Variants in RALGAPA2 observed in about 807,000 individuals in gnomAD.
RALGAPA2 encodes Ral GTPase activating protein catalytic subunit alpha 2, also known as ral GTPase-activating protein subunit alpha-2.
RALGAPA2 carries 139 observed loss-of-function variants against 230.4 expected under a neutral mutation model. The ratio of observed to expected loss-of-function variants is 0.60; its 90% confidence interval spans 0.53 to 0.69. The LOEUF (loss-of-function observed/expected upper bound fraction) is 0.69. RALGAPA2 is among the 30% of genes least tolerant of loss of function. The pLI, the probability that RALGAPA2 is intolerant of heterozygous loss-of-function variation, is 0.00. For synonymous variants in RALGAPA2, 847 were observed against 837.8 expected, an observed-to-expected ratio of 1.01 and a Z score of -0.19; for missense variants, 2,163 against 2,276.0, an observed-to-expected ratio of 0.95 and a Z score of 1.01.
intron 18 of RALGAPA2, 72 bp from the exon 19 acceptor site, chr20:20,585,027 C>A: frequency 1.1e-6 from 1 of 893,430 alleles, no homozygotes. Context: ...GTTTCTAGCC[C>A]AAATTTCTAA....
intron 38 of RALGAPA2, among the ~76,000 whole-genome samples, chr20:20,403,039 G>A (rs113917771): frequency 5.3e-5 from 8 of 151,800 alleles, no homozygotes; most frequent in African/African-American, 4.8e-5. Context: ...TTTCTCACAC[G>A]CCGCCTTTTC....
In RALGAPA2 at chr20:20,637,466, T is replaced by C. The variant is rs1312512021; in HGVS notation, c.702A>G (p.Gln234=). ...ASLEWKNKEN[Q]DTGFKFLFTL... ...TAAAAAGAAATTTAAAACCAGTATC[T>C]TGATTCTCCTTATTCTTCCACTCCA... Residue 234 remains glutamine, a synonymous_variant, in exon 8 of 40, where the codon CAA becomes CAG. Coordinates refer to ENST00000202677, the MANE Select transcript of RALGAPA2 (RefSeq NM_020343.4). 1.9e-6 allele frequency: 3 copies of C among 1,570,506 alleles called. No individual in the cohort carries two copies. Among genetic ancestry groups the C allele is most frequent in the Admixed American group, 1.9e-5 (1 of 53,892 alleles).
chr20:20,590,373 C>T (rs1390920888), intron 17 of RALGAPA2, among the ~76,000 whole-genome samples: 1 of 152,076 alleles, frequency 6.6e-6, no homozygotes, highest in Non-Finnish European at 1.5e-5. Context: ...TTTTCTGAAG[C>T]TTTTACTGTA....
At chr20:20,606,586 G>C (rs2065828323) in intron 14 of RALGAPA2, among the ~76,000 whole-genome samples, 1 of 151,470 alleles carries the variant, frequency 6.6e-6, no homozygotes, top group Non-Finnish European at 1.5e-5. Flanking sequence ...CATTTCTCAG[G>C]TCAAAATTTG....
chr20:20,639,263 G>C (rs935375960), intron 7 of RALGAPA2, among the ~76,000 whole-genome samples: 3 of 152,176 alleles, frequency 2.0e-5, no homozygotes, highest in African/African-American at 4.8e-5. Flanking sequence ...TGAGAAAAAA[G>C]AATCAGTACA....
At position 20,531,683 on chromosome 20, in the gene RALGAPA2, A is replaced by T; in HGVS notation, c.3582+4T>A. The T allele has an allele frequency of 4.4e-6, 7 of 1,590,516 alleles. No homozygotes were observed. The highest frequency in any genetic ancestry group is 2.3e-5 in the South Asian group (2 of 87,984). On this transcript the variant is annotated splice_donor_region_variant and intron_variant, in intron 27 of 39. Coordinates refer to ENST00000202677, the MANE Select transcript of RALGAPA2 (RefSeq NM_020343.4). ...ATCCAATCAGCACCACAAACTGGTA[A>T]TACCTTCAGAGTTACTCCTATCACA...
intron 10 of RALGAPA2, 35 bp downstream of exon 10, chr20:20,629,327 AC>A: frequency 1.2e-6 from 1 of 852,294 alleles, no homozygotes; most frequent in Non-Finnish European, 1.6e-6. Context: ...TGTAACACAC[AC>A]ACACACACAC....
rs1387965140 is a variant in RALGAPA2 at position 20,620,540 on chromosome 20, T to A, written c.1324A>T (p.Met442Leu). The change falls in exon 11 of 40, where the codon ATG (methionine) becomes TTG (leucine). Residue 442 changes from methionine (M) to leucine (L), a missense_variant. Met to Leu is a conservative substitution (Grantham distance 15). Coordinates refer to ENST00000202677, the MANE Select transcript of RALGAPA2 (RefSeq NM_020343.4). ...KWILQDKPVF[M>L]EEPDRKDVAQ... ...ACATCTTTTCTATCTGGCTCCTCCA[T>A]GAACACAGGTTTGTCCTGGAGAATC... 12 of 1,613,832 alleles carry A rather than the reference T, an allele frequency of 7.4e-6. No individual in the cohort carries two copies. The South Asian group carries it at 9.9e-5, about 13-fold the overall frequency.
intron 23 of RALGAPA2, among the ~76,000 whole-genome samples, chr20:20,559,018 T>C (rs1053407933): frequency 2.0e-5 from 3 of 152,200 alleles, no homozygotes; most frequent in Non-Finnish European, 2.9e-5. Flanking sequence ...AAATGATTTC[T>C]GTTCGTTACT....
intron 16 of RALGAPA2, among the ~76,000 whole-genome samples, chr20:20,592,764 C>G (rs905377810): frequency 2.0e-5 from 3 of 152,124 alleles, no homozygotes; most frequent in African/African-American, 7.2e-5. Flanking sequence ...TGATGGCTCA[C>G]CTTAAGCAAG....
Position 20,392,044 on chromosome 20 carries a change from A to G in RALGAPA2, c.*1245T>C, listed in dbSNP as rs1157198214. On this transcript the variant is annotated 3_prime_UTR_variant, in exon 40 of 40. Transcript: ENST00000202677. ...CTGAGGCAGGTCAAGGGTCCAGGAC[A>G]CAGCCTGGGGCCTGCGCCAGCAGCT... The G allele has an allele frequency of 6.6e-6, 1 of 152,308 alleles. No individual in the cohort carries two copies. Among genetic ancestry groups the G allele is most frequent in the Non-Finnish European group, 1.5e-5 (1 of 68,088 alleles). 9.4% of individuals were successfully genotyped at this position (152,308 alleles called of 1,614,324 possible).
At chr20:20,572,636 A>C (rs1262034978) in intron 21 of RALGAPA2, among the ~76,000 whole-genome samples, 1 of 152,196 alleles carries the variant, frequency 6.6e-6, no homozygotes, top group Non-Finnish European at 1.5e-5. Flanking sequence ...AGAATGACTT[A>C]ACATCCTGTA....
chr20:20,663,810 T>C (rs1367107983), intron 3 of RALGAPA2, among the ~76,000 whole-genome samples: 1 of 152,168 alleles, frequency 6.6e-6, no homozygotes, highest in Admixed American at 6.5e-5. Context: ...CAGGCTGGCC[T>C]CAAACTCCTG....
chr20:20,500,792 C>A (rs1210988427), intron 35 of RALGAPA2, among the ~76,000 whole-genome samples: 1 of 152,112 alleles, frequency 6.6e-6, no homozygotes, highest in Non-Finnish European at 1.5e-5. Context: ...ACAGCCATAG[C>A]CTTATGAAAG....
rs187179207 is a variant in RALGAPA2 at position 20,512,113 on chromosome 20, A to G, written c.4856+400T>C. On this transcript the variant is annotated intron_variant, in intron 32 of 39. Transcript: ENST00000202677. ...TGAGGCAGGAGAATTGCTTGAACCC[A>G]GGAGGCGGAGGTTGCCGTGAGCCGA... 5.3e-3 allele frequency among the ~76,000 whole-genome samples: 805 copies of G among 151,912 alleles called. 6 individuals carry two copies. Among genetic ancestry groups the G allele is most frequent in the African/African-American group, 0.019 (768 of 41,448 alleles).
At position 20,601,814 on chromosome 20, in the gene RALGAPA2, C is replaced by A. The variant is rs374793192; in HGVS notation, c.2071G>T (p.Val691Leu). ...CVLDPQKGTT[V>L]GRSFSLSWRS... is the part of the protein sequence containing the mutation. The stretch of plus-strand genomic sequence containing the variant: ...CAGCTGAGAGAAAAGGACCTCCCCA[C>A]GGTGGTTCCTTTCTGAGGATCTAGA... Residue 691 changes from valine (V) to leucine (L), a missense_variant, in exon 16 of 40, where the codon GTG becomes TTG. By Grantham distance (32) the Val-to-Leu change is conservative (BLOSUM62 1). Coordinates refer to ENST00000202677, the MANE Select transcript of RALGAPA2 (RefSeq NM_020343.4). The A allele has an allele frequency of 1.2e-6, 2 of 1,610,812 alleles. No individual in the cohort carries two copies. Among genetic ancestry groups the A allele is most frequent in the Non-Finnish European group, 8.5e-7 (1 of 1,178,690 alleles).
intron 3 of RALGAPA2, among the ~76,000 whole-genome samples, chr20:20,657,184 T>C (rs1234091725): frequency 6.6e-6 from 1 of 152,092 alleles, no homozygotes; most frequent in African/African-American, 2.4e-5. Context: ...GCAGCAAGAT[T>C]AGACAGGGGA....
intron 36 of RALGAPA2, among the ~76,000 whole-genome samples, chr20:20,481,574 T>G (rs1287943369): frequency 4.6e-5 from 7 of 152,250 alleles, no homozygotes; most frequent in Non-Finnish European, 7.3e-5. Flanking sequence ...TTTTTGGCAC[T>G]GCCTTTATCA....
chr20:20,516,596 A>T (rs1272008671), intron 31 of RALGAPA2, among the ~76,000 whole-genome samples: 1 of 152,220 alleles, frequency 6.6e-6, no homozygotes, highest in Non-Finnish European at 1.5e-5. Context: ...CCAGCACACT[A>T]AGCATATCTA....
Sources: gnomAD v4.1 joint callset for allele counts (sites outside exome capture counted in the v4.1 genomes callset) on GRCh38, gnomAD v4.1.1 for gene constraint, MANE v1.5 for transcripts, NCBI Gene and HGNC (gene_info 2026-07-23, HGNC 2026-07-21) for gene names.